Variants in PAK1 observed in about 807,000 individuals in gnomAD.
PAK1 encodes the protein serine/threonine-protein kinase PAK 1.
Under a neutral mutation model 67.4 loss-of-function variants are expected in PAK1, and 29 were observed. The ratio of observed to expected loss-of-function variants is 0.43; its 90% confidence interval spans 0.32 to 0.59. The LOEUF is 0.59. Among genes scored for constraint, PAK1 ranks in the 20% least tolerant of loss-of-function variants. The pLI is 0.07. For missense variants in PAK1, 337 were observed against 670.7 expected, an observed-to-expected ratio of 0.50 and a Z score of 5.50; for synonymous variants, 223 against 237.4, an observed-to-expected ratio of 0.94 and a Z score of 0.56.
intron 2 of PAK1, among the ~76,000 whole-genome samples, chr11:77,390,154 TAGTC>T (rs1950943115): frequency 6.6e-6 from 1 of 152,232 alleles, no homozygotes; most frequent in African/African-American, 2.4e-5. Context: ...ATGAATGAAT[TAGTC>T]AGGAAATCAA....
At chr11:77,457,024 A>T (rs1024509821) in intron 1 of PAK1, among the ~76,000 whole-genome samples, 8 of 152,312 alleles carry the variant, frequency 5.3e-5, no homozygotes, top group African/African-American at 1.9e-4. Context: ...TACAGGCATG[A>T]ACTGCCGCAC....
At chr11:77,438,037 A>C (rs1956204943) in intron 1 of PAK1, among the ~76,000 whole-genome samples, 1 of 151,948 alleles carries the variant, frequency 6.6e-6, no homozygotes, top group African/African-American at 2.4e-5. Flanking sequence ...ACCCAGTTTG[A>C]AAACAACATC....
chr11:77,369,963 C>T (rs1276121975), intron 5 of PAK1, among the ~76,000 whole-genome samples: 1 of 152,056 alleles, frequency 6.6e-6, no homozygotes, highest in East Asian at 1.9e-4. Flanking sequence ...TCTCAAATGT[C>T]TGCAGATCCT....
At chr11:77,512,649 G>T in the PAK1 span, among the ~76,000 whole-genome samples, 2 of 152,152 alleles carry the variant, frequency 1.3e-5, no homozygotes, top group Non-Finnish European at 2.9e-5. Context: ...CATAGACGAG[G>T]TTTCCTACTA....
Position 77,323,344 on chromosome 11 carries a change from A to T in PAK1, c.1568T>A (p.Ile523Asn). The change falls in exon 15 of 15, where the codon ATT becomes AAT. Residue 523 changes from isoleucine (I) to asparagine (N), a missense_variant. Transcript: ENST00000356341. ...KELLQHQFLK[I>N]AKPLSSLTPL... ...AGTGAGGCTGGAGAGGGGCTTGGCA[A>T]TCTTCAGGAATTGATGCTAGAAAGG... 6.2e-7 allele frequency: 1 copy of T among 1,610,592 alleles called. No homozygotes were observed. The highest frequency in any genetic ancestry group is 8.5e-7 in the Non-Finnish European group (1 of 1,176,812).
chr11:77,376,210 C>T (rs1333159828), intron 4 of PAK1, among the ~76,000 whole-genome samples: 1 of 152,060 alleles, frequency 6.6e-6, no homozygotes, highest in Non-Finnish European at 1.5e-5. Context: ...AATAAGTAAA[C>T]ACTCCCTTTA....
upstream of PAK1, chr11:77,474,473 TCAGA>T (rs970442965): frequency 6.6e-6 from 1 of 152,150 alleles, no homozygotes; most frequent in Admixed American, 6.5e-5. Flanking sequence ...AGCCTTTCTA[TCAGA>T]CAATTTTGGG....
At chr11:77,436,436 T>A (rs957044237) in intron 1 of PAK1, among the ~76,000 whole-genome samples, 1 of 152,166 alleles carries the variant, frequency 6.6e-6, no homozygotes, top group Non-Finnish European at 1.5e-5. Flanking sequence ...TCAGATCTAG[T>A]CCCAGAAGTG....
At chr11:77,437,420 G>A (rs574877043) in intron 1 of PAK1, among the ~76,000 whole-genome samples, 87 of 152,186 alleles carry the variant, frequency 5.7e-4, no homozygotes, top group Non-Finnish European at 1.0e-3. Context: ...GCTTAGAACA[G>A]TGTCTGGTAC....
chr11:77,479,013 A>G (rs1328813556), upstream of PAK1, among the ~76,000 whole-genome samples: 1 of 150,204 alleles, frequency 6.7e-6, no homozygotes, highest in African/African-American at 2.5e-5. Flanking sequence ...TGAACCCAAG[A>G]GGCACAGCTT....
chr11:77,466,398 T>C (rs1458092498), intron 1 of PAK1, among the ~76,000 whole-genome samples: 2 of 152,090 alleles, frequency 1.3e-5, no homozygotes, highest in South Asian at 2.1e-4. Context: ...GGTCAGGAGA[T>C]TGAGACCATC....
the PAK1 span, among the ~76,000 whole-genome samples, chr11:77,480,382 T>C: frequency 6.6e-6 from 1 of 152,144 alleles, no homozygotes; most frequent in African/African-American, 2.4e-5. Context: ...AATTAGGAGA[T>C]ACAAGTGTCC....
chr11:77,367,704 C>T (rs751422406), intron 5 of PAK1, among the ~76,000 whole-genome samples: 1 of 152,108 alleles, frequency 6.6e-6, no homozygotes, highest in Non-Finnish European at 1.5e-5. Context: ...TAGGGCTGGG[C>T]GTGGTGGCTC....
chr11:77,393,778 G>A (rs1057107959), intron 1 of PAK1, among the ~76,000 whole-genome samples: 4 of 152,124 alleles, frequency 2.6e-5, no homozygotes, highest in South Asian at 2.1e-4. Flanking sequence ...AAAGGCAGGC[G>A]GATCACTTGA....
the PAK1 span, among the ~76,000 whole-genome samples, chr11:77,513,227 G>A: frequency 6.6e-6 from 1 of 152,164 alleles, no homozygotes. Flanking sequence ...TCATGGCAGT[G>A]TTATGGGTCT....
chr11:77,521,529 C>CA, the PAK1 span, among the ~76,000 whole-genome samples: 202 of 138,100 alleles, frequency 1.5e-3, no homozygotes, highest in East Asian at 4.8e-3. Flanking sequence ...AACTCCACCT[C>CA]AAAAAAAAAA....
At chr11:77,366,133 G>A (rs904047714) in intron 5 of PAK1, among the ~76,000 whole-genome samples, 6 of 152,226 alleles carry the variant, frequency 3.9e-5, no homozygotes, top group African/African-American at 1.4e-4. Flanking sequence ...AAATGAAGAC[G>A]AAATAAAGAC....
the PAK1 span, among the ~76,000 whole-genome samples, chr11:77,486,611 G>A: frequency 6.6e-6 from 1 of 152,316 alleles, no homozygotes; most frequent in Admixed American, 6.5e-5. Context: ...GGCATGGAGA[G>A]AGAATCTATG....
chr11:77,520,071 T>G, the PAK1 span, among the ~76,000 whole-genome samples: 1 of 147,002 alleles, frequency 6.8e-6, no homozygotes, highest in Non-Finnish European at 1.5e-5. Context: ...GGCAAAGCCC[T>G]GCGCAGGTTC....
Sources: allele counts gnomAD v4.1 joint callset (sites outside exome capture counted in the v4.1 genomes callset), GRCh38; gene constraint gnomAD v4.1.1; transcripts MANE v1.5; gene names NCBI Gene and HGNC (gene_info 2026-07-23, HGNC 2026-07-21).